SH3D21: variants seen among roughly 807,000 people sequenced by gnomAD.
The protein encoded by SH3D21 is SH3 domain-containing protein 21.
Under a neutral mutation model 82.1 loss-of-function variants are expected in SH3D21, and 83 were observed. The ratio of observed to expected loss-of-function variants is 1.01; its 90% CI spans 0.85 to 1.21. The LOEUF (loss-of-function observed/expected upper bound fraction) is 1.21. Among genes scored for constraint, SH3D21 ranks in the 50% most tolerant of loss-of-function variants. SH3D21 has a pLI of 0.00. For synonymous variants in SH3D21, 383 were observed against 387.8 expected, an observed-to-expected ratio of 0.99 and a Z score of 0.15; for missense variants, 980 against 962.1, an observed-to-expected ratio of 1.02 and a Z score of -0.25.
intron 10 of SH3D21, among the ~76,000 whole-genome samples, chr1:36,310,262 C>G (rs1646213145): frequency 6.6e-6 from 1 of 152,178 alleles, no homozygotes; most frequent in African/African-American, 2.4e-5. Context: ...CCTTATTTAT[C>G]TTTTAATGTA....
At chr1:36,329,054 TCTC>T (rs1376724251), downstream of SH3D21, 5 of 152,358 alleles carry the variant, frequency 3.3e-5, no homozygotes, top group African/African-American at 1.2e-4. Context: ...AGGCCATCAT[TCTC>T]CACCCCTCAG....
rs1452878385 is a variant in SH3D21 at position 36,321,140 on chromosome 1, G to T, written c.*13G>T. The T allele has an allele frequency of 1.2e-6, 2 of 1,608,528 alleles. No homozygotes were observed. Among genetic ancestry groups the T allele is most frequent in the Non-Finnish European group, 1.7e-6 (2 of 1,177,868 alleles). ...GCAGACCTACTGAGGGTGGGCCTGG[G>T]AAGGGACCGCGGCCTGACCTGGCTG... is the stretch of plus-strand genomic sequence containing the variant. On this transcript the variant is annotated 3_prime_UTR_variant, in exon 16 of 16. Transcript: ENST00000453908. The surrounding 1 kb of genome is among the most constrained non-coding windows in gnomAD (Gnocchi z 6.1).
chr1:36,318,587 A>G (rs1359942504), intron 10 of SH3D21, among the ~76,000 whole-genome samples: 1 of 151,634 alleles, frequency 6.6e-6, no homozygotes, highest in Non-Finnish European at 1.5e-5. Context: ...AGCCTGGCCA[A>G]CATGGTGAAA....
chr1:36,322,266 G>A (rs1379182478), downstream of SH3D21: 1 of 1,469,240 alleles, frequency 6.8e-7, no homozygotes, highest in Non-Finnish European at 9.0e-7. Context: ...CCGGTACCCC[G>A]AGCGCCTTGC....
rs906663822 is a variant in SH3D21 at position 36,318,967 on chromosome 1, C to A, written c.770-104C>A. ...CAAAAATTAGCCGGGTGCAGTGGCG[C>A]ATAGTCAAACAAGATTAACCTCCTG... On this transcript the variant is annotated intron_variant, in intron 10 of 15. Transcript: ENST00000453908. 8.0e-6 allele frequency: 5 copies of A among 624,700 alleles called. No individual in the cohort carries two copies. In the African/African-American group the frequency reaches 9.2e-5, roughly 11 times the overall value. 38.7% of individuals were successfully genotyped at this position (624,700 alleles called of 1,614,324 possible).
downstream of SH3D21, chr1:36,321,364 G>T: frequency 2.2e-6 from 3 of 1,393,836 alleles, no homozygotes; most frequent in Non-Finnish European, 2.8e-6. This position sits in a 1 kb window ranked among gnomAD's most constrained non-coding sequence, Gnocchi z 6.1. Flanking sequence ...CCTGCGCGCG[G>T]CTATTTTTAT....
Position 36,321,005 on chromosome 1 carries a change from G to A in SH3D21, c.2199+27G>A, listed in dbSNP as rs754797056. 1 of 1,576,426 alleles carries A rather than the reference G, an allele frequency of 6.3e-7. No individual in the cohort carries two copies. The highest frequency in any genetic ancestry group is 8.6e-7 in the Non-Finnish European group (1 of 1,161,840). Reference sequence around the variant, plus strand: ...TGAGGCGCGGGTCCCGGCGGGAGGGGGCTGACGGCGAGTGGCCCCCTGACA... The same window carrying A: ...TGAGGCGCGGGTCCCGGCGGGAGGGAGCTGACGGCGAGTGGCCCCCTGACA... On this transcript the variant is annotated intron_variant, in intron 15 of 15. Transcript: ENST00000453908. The surrounding 1 kb of genome is among the most constrained non-coding windows in gnomAD (Gnocchi z 6.1).
downstream of SH3D21, chr1:36,321,558 C>A: frequency 1.3e-6 from 1 of 744,354 alleles, no homozygotes; most frequent in African/African-American, 1.9e-5. This position sits in a 1 kb window ranked among gnomAD's most constrained non-coding sequence, Gnocchi z 6.1. Context: ...CCCCTCCCAG[C>A]TGGCCTCCCT....
At chr1:36,324,271 G>C (rs982291964), downstream of SH3D21, 1 of 152,304 alleles carries the variant, frequency 6.6e-6, no homozygotes, top group Non-Finnish European at 1.5e-5. Context: ...CTCTGTGCCT[G>C]CGAGCTCCTG....
downstream of SH3D21, chr1:36,327,607 G>A (rs1646558062): frequency 3.5e-6 from 4 of 1,138,232 alleles, no homozygotes; most frequent in South Asian, 6.4e-5. Flanking sequence ...ATATGTGTTT[G>A]GAGTGGGTCA....
chr1:36,312,094 G>A (rs192229641), intron 10 of SH3D21, among the ~76,000 whole-genome samples: 4 of 150,152 alleles, frequency 2.7e-5, no homozygotes, highest in African/African-American at 7.4e-5. Context: ...GTGAGATCTC[G>A]GCTCACTGCA....
At position 36,308,194 on chromosome 1, in the gene SH3D21, A is replaced by T; in HGVS notation, c.624A>T (p.Val208=). ...TGGCGCTGCGGAGGGGGGACGTGGTAAAAGTACTCAGCAAGGTGTGAGACG... is the reference window on the plus strand; with the variant it reads ...TGGCGCTGCGGAGGGGGGACGTGGTTAAAGTACTCAGCAAGGTGTGAGACG... ...DELALRRGDV[V]KVLSKTTEDK... Residue 208 remains valine, a synonymous_variant, in exon 8 of 16, where the codon GTA becomes GTT. Transcript: ENST00000453908. 1 of 1,542,000 alleles carries T rather than the reference A, an allele frequency of 6.5e-7. No individual in the cohort carries two copies. The highest frequency in any genetic ancestry group is 8.8e-7 in the Non-Finnish European group (1 of 1,142,016).
downstream of SH3D21, chr1:36,327,947 G>A (rs766129063): frequency 1.3e-5 from 14 of 1,102,806 alleles, no homozygotes; most frequent in African/African-American, 1.1e-4. Context: ...CACCCGCTTC[G>A]GATCTCTGCA....
At chr1:36,312,697 A>T (rs939773117) in intron 10 of SH3D21, among the ~76,000 whole-genome samples, 6 of 152,066 alleles carry the variant, frequency 3.9e-5, no homozygotes, top group African/African-American at 1.4e-4. Flanking sequence ...TTTTGAATCT[A>T]GTTTTCCCTT....
chr1:36,326,317 T>C (rs149469167), downstream of SH3D21, among the ~76,000 whole-genome samples: 343 of 151,858 alleles, frequency 2.3e-3, no homozygotes, highest in Non-Finnish European at 3.5e-3. Context: ...CTGCAACCTC[T>C]GTCTCCCGGA....
chr1:36,321,893 G>A (rs1646470149), downstream of SH3D21: 9 of 1,060,646 alleles, frequency 8.5e-6, no homozygotes, highest in Non-Finnish European at 1.0e-5. The surrounding 1 kb of genome is among the most constrained non-coding windows in gnomAD (Gnocchi z 6.1). Flanking sequence ...GCGGGCAGGT[G>A]TGCTGTATCG....
chr1:36,330,080 C>G (rs1313942875), downstream of SH3D21, among the ~76,000 whole-genome samples: 1 of 152,086 alleles, frequency 6.6e-6, no homozygotes, highest in Non-Finnish European at 1.5e-5. Context: ...AAAAACATCA[C>G]CAGGATGCAG....
In SH3D21 at chr1:36,306,433, G is replaced by A. The variant is rs977541501; in HGVS notation, c.4+9G>A. The A allele has an allele frequency of 1.5e-6, 2 of 1,305,440 alleles. No individual in the cohort carries two copies. Among genetic ancestry groups the A allele is most frequent in the African/African-American group, 1.5e-5 (1 of 65,996 alleles). 80.9% of individuals were successfully genotyped at this position (1,305,440 alleles called of 1,614,324 possible). A position where few individuals can be genotyped will look rare whatever the true frequency, so the allele number is the denominator to read the frequency against. Reference sequence around the variant, plus strand: ...CGCCCCGGAAACCATGGGTAAGTGCGGAGGCTTTGAGGTGGCCTCTCTCTG... The same window carrying A: ...CGCCCCGGAAACCATGGGTAAGTGCAGAGGCTTTGAGGTGGCCTCTCTCTG... On this transcript the variant is annotated intron_variant, in intron 1 of 15. Transcript: ENST00000453908. This position sits in a 1 kb window ranked among gnomAD's most constrained non-coding sequence, Gnocchi z 4.5.
chr1:36,306,818 C>T lies in SH3D21; in HGVS notation c.163-24C>T. The T allele has an allele frequency of 7.7e-7, 1 of 1,294,724 alleles. No individual in the cohort carries two copies. Among genetic ancestry groups the T allele is most frequent in the Non-Finnish European group, 1.0e-6 (1 of 988,878 alleles). The allele number at this position is 1,294,724 out of a possible 1,614,324, so 80.2% of individuals were successfully genotyped here. A position where few individuals can be genotyped will look rare whatever the true frequency, so the allele number is the denominator to read the frequency against. Reference sequence around the variant, plus strand: ...GCGCGCCCCCCGGGAGCTGAGAGCGCCTTCCCCGTGCCCTGATTCCCAGGA... The same window carrying T: ...GCGCGCCCCCCGGGAGCTGAGAGCGTCTTCCCCGTGCCCTGATTCCCAGGA... On this transcript the variant is annotated intron_variant, in intron 2 of 15. Coordinates refer to ENST00000453908, the MANE Select transcript of SH3D21 (RefSeq NM_001162530.2). This position sits in a 1 kb window ranked among gnomAD's most constrained non-coding sequence, Gnocchi z 4.5.
Sources: allele counts gnomAD v4.1 joint callset (sites outside exome capture counted in the v4.1 genomes callset), GRCh38; gene constraint gnomAD v4.1.1; non-coding constraint Gnocchi (gnomAD v3.1); transcripts MANE v1.5; gene names NCBI Gene and HGNC (gene_info 2026-07-23, HGNC 2026-07-21).